LRMDA: variants seen among roughly 807,000 people sequenced by gnomAD.
The protein encoded by LRMDA is leucine-rich melanocyte differentiation-associated protein.
A neutral mutation model predicts 29.8 loss-of-function variants in LRMDA; 18 were observed. The observed-to-expected ratio is 0.60, with a 90% CI of 0.42 to 0.90. The LOEUF is 0.90. Ranked by LOEUF, LRMDA falls within the 40% of genes least tolerant of loss-of-function variation. The pLI, the probability that LRMDA is intolerant of heterozygous loss-of-function variation, is 0.00. For synonymous variants in LRMDA, 125 were observed against 109.4 expected (o/e 1.14, Z -0.89); for missense variants, 273 against 273.9 (o/e 1.00, Z 0.02).
intron 6 of LRMDA, among the ~76,000 whole-genome samples, chr10:76,440,047 G>A (rs984640004): frequency 2.6e-5 from 4 of 152,174 alleles, no homozygotes; most frequent in African/African-American, 9.6e-5. Context: ...CATCTCATGA[G>A]CTACATTCCT....
intron 2 of LRMDA, among the ~76,000 whole-genome samples, chr10:76,015,141 C>T (rs1440359379): frequency 6.6e-6 from 1 of 152,142 alleles, no homozygotes; most frequent in African/African-American, 2.4e-5. Flanking sequence ...AAATAGATGC[C>T]CCGGCACTTT....
chr10:75,898,605 C>T (rs996403982), intron 2 of LRMDA, among the ~76,000 whole-genome samples: 1 of 151,312 alleles, frequency 6.6e-6, no homozygotes, highest in African/African-American at 2.4e-5. Context: ...CGGGCACTGC[C>T]CACTGAAAAA....
At chr10:76,148,289 G>T (rs1252967842) in intron 5 of LRMDA, among the ~76,000 whole-genome samples, 1 of 152,228 alleles carries the variant, frequency 6.6e-6, no homozygotes, top group Non-Finnish European at 1.5e-5. Flanking sequence ...CAGAGGTGGA[G>T]CCTACAGAGG....
chr10:76,384,553 A>G (rs1841637067), intron 6 of LRMDA, among the ~76,000 whole-genome samples: 1 of 152,002 alleles, frequency 6.6e-6, no homozygotes, highest in African/African-American at 2.4e-5. Flanking sequence ...CCACAATTGG[A>G]CCTCATCTTC....
chr10:75,957,230 G>C (rs923855387), intron 2 of LRMDA, among the ~76,000 whole-genome samples: 24 of 152,216 alleles, frequency 1.6e-4, no homozygotes, highest in Non-Finnish European at 2.2e-4. Context: ...CCGTTAGTGG[G>C]CTATGCTGAG....
chr10:75,458,977 T>C (rs1399762853), intron 2 of LRMDA, among the ~76,000 whole-genome samples: 1 of 149,252 alleles, frequency 6.7e-6, no homozygotes, highest in Non-Finnish European at 1.5e-5. Context: ...ATGGTTCAGT[T>C]GTAACTTCAG....
intron 2 of LRMDA, among the ~76,000 whole-genome samples, chr10:75,888,156 T>C (rs1325254065): frequency 6.6e-6 from 1 of 152,104 alleles, no homozygotes; most frequent in East Asian, 1.9e-4. Flanking sequence ...TCCTGAAGAA[T>C]ATGACCAAAG....
At chr10:75,864,301 C>G (rs7898295) in intron 2 of LRMDA, among the ~76,000 whole-genome samples, 1 of 151,924 alleles carries the variant, frequency 6.6e-6, no homozygotes, top group African/African-American at 2.4e-5. Flanking sequence ...TGAAGGAAGC[C>G]GGATGTGCTC....
intron 6 of LRMDA, among the ~76,000 whole-genome samples, chr10:76,433,504 G>A (rs888780151): frequency 6.6e-6 from 1 of 152,212 alleles, no homozygotes; most frequent in Non-Finnish European, 1.5e-5. Context: ...AGCACGGCCT[G>A]TCCTGGGGTC....
chr10:76,331,363 A>G (rs796520227), intron 6 of LRMDA, among the ~76,000 whole-genome samples: 13 of 152,340 alleles, frequency 8.5e-5, no homozygotes, highest in African/African-American at 3.1e-4. Flanking sequence ...GTCAGGCCCT[A>G]TGAGTGAGAC....
chr10:76,179,653 T>C (rs1236308555), intron 5 of LRMDA, among the ~76,000 whole-genome samples: 1 of 152,230 alleles, frequency 6.6e-6, no homozygotes, highest in African/African-American at 2.4e-5. Flanking sequence ...TTATTCTTTG[T>C]AATTGCTAAG....
chr10:75,965,208 G>C (rs887141548), intron 2 of LRMDA, among the ~76,000 whole-genome samples: 1 of 152,146 alleles, frequency 6.6e-6, no homozygotes, highest in Non-Finnish European at 1.5e-5. Flanking sequence ...AGGCACTGCA[G>C]CATCTGAAGT....
At chr10:75,552,192 T>G (rs1840158933) in intron 2 of LRMDA, among the ~76,000 whole-genome samples, 1 of 152,220 alleles carries the variant, frequency 6.6e-6, no homozygotes, top group Admixed American at 6.5e-5. Flanking sequence ...GGTCTTTATT[T>G]AACATCATCA....
At chr10:75,665,485 TAAG>T (rs1266085527) in intron 2 of LRMDA, among the ~76,000 whole-genome samples, 2 of 152,334 alleles carry the variant, frequency 1.3e-5, no homozygotes, top group East Asian at 1.9e-4. Context: ...GTTAAAATGA[TAAG>T]AACATGTGCA....
intron 1 of LRMDA, among the ~76,000 whole-genome samples, chr10:75,436,436 T>TAC (rs1844264637): frequency 6.6e-6 from 1 of 152,060 alleles, no homozygotes; most frequent in Non-Finnish European, 1.5e-5. Flanking sequence ...GACCTGGGGT[T>TAC]CATTGTGAAC....
chr10:75,813,965 C>T (rs1844011325), intron 2 of LRMDA, among the ~76,000 whole-genome samples: 1 of 152,234 alleles, frequency 6.6e-6, no homozygotes, highest in African/African-American at 2.4e-5. Context: ...GGTCCCCATT[C>T]CAGCCAATAA....
chr10:76,210,171 A>AT (rs2132244458), intron 5 of LRMDA, among the ~76,000 whole-genome samples: 1 of 152,296 alleles, frequency 6.6e-6, no homozygotes, highest in East Asian at 1.9e-4. Context: ...AATACACAAA[A>AT]TTAAGCATTT....
chr10:76,177,887 G>T (rs1191536611), intron 5 of LRMDA, among the ~76,000 whole-genome samples: 1 of 152,194 alleles, frequency 6.6e-6, no homozygotes, highest in East Asian at 1.9e-4. Flanking sequence ...GAAGTAAGCT[G>T]GTCTGGTCTG....
At chr10:76,064,975 G>C (rs1297059212) in intron 5 of LRMDA, among the ~76,000 whole-genome samples, 1 of 151,980 alleles carries the variant, frequency 6.6e-6, no homozygotes, top group African/African-American at 2.4e-5. Context: ...GACATATTCA[G>C]ATTCTATTTT....
Sources: gnomAD v4.1 joint callset for allele counts (sites outside exome capture counted in the v4.1 genomes callset) on GRCh38, gnomAD v4.1.1 for gene constraint, MANE v1.5 for transcripts, NCBI Gene and HGNC (gene_info 2026-07-23, HGNC 2026-07-21) for gene names.